The following RGS9 variants were observed in gnomAD, a reference collection of about 807,000 sequenced individuals.
RGS9 encodes regulator of G protein signaling 9.
RGS9 carries 78 observed loss-of-function variants against 102.0 expected under a neutral mutation model. That is an observed-to-expected ratio of 0.76 (90% CI 0.64 to 0.92). The LOEUF is 0.92. Among genes scored for constraint, RGS9 ranks in the 40% least tolerant of loss-of-function variants. RGS9 has a pLI of 0.00. For missense variants in RGS9, 833 were observed against 866.1 expected (o/e 0.96, Z 0.48); for synonymous variants, 353 against 318.6 (o/e 1.11, Z -1.15).
At chr17:65,184,081 C>T (rs759550983) in intron 9 of RGS9, among the ~76,000 whole-genome samples, 2 of 152,140 alleles carry the variant, frequency 1.3e-5, no homozygotes, top group Non-Finnish European at 1.5e-5. Flanking sequence ...CCAGGAGGGC[C>T]GGCAGCTGAG....
chr17:65,167,382 G>A (rs1911229392), intron 7 of RGS9, among the ~76,000 whole-genome samples: 2 of 151,694 alleles, frequency 1.3e-5, no homozygotes, highest in South Asian at 4.2e-4. Flanking sequence ...TTATATTTTT[G>A]GTAGAGACGG....
chr17:65,203,990 A>G (rs1031194939), intron 14 of RGS9, among the ~76,000 whole-genome samples, 173 bp from the exon 15 acceptor site: 4 of 152,172 alleles, frequency 2.6e-5, no homozygotes, highest in African/African-American at 9.7e-5. Flanking sequence ...CTTCAAGGAA[A>G]AATTGCTTGA....
At chr17:65,162,938 C>A in intron 6 of RGS9, 75 bp from the exon 7 acceptor site, 2 of 814,766 alleles carry the variant, frequency 2.5e-6, no homozygotes, top group Non-Finnish European at 4.2e-6. Flanking sequence ...CCCTTGCTGA[C>A]TTAGAGTTTG....
In RGS9 at chr17:65,225,311, C is replaced by A; in HGVS notation, c.1717C>A (p.Pro573Thr). Residue 573 changes from proline to threonine, a missense_variant, in exon 18 of 19, where the codon CCT becomes ACT. Physicochemically the swap from Pro to Thr is conservative, Grantham distance 38 (BLOSUM62 -1). Transcript: ENST00000262406. ...CTGGCCTCGCAGCCGGCCCAGGGCC[C>A]CTCCTAAGGCCCGCATGGCTCTGTC... ...TSWPRSRPRA[P>T]PKARMALSFS... 6.2e-7 allele frequency: 1 copy of A among 1,610,210 alleles called. No homozygotes were observed. Among genetic ancestry groups the A allele is most frequent in the Non-Finnish European group, 8.5e-7 (1 of 1,180,004 alleles).
At chr17:65,149,012 AG>A (rs1212555798) in intron 1 of RGS9, among the ~76,000 whole-genome samples, 1 of 151,822 alleles carries the variant, frequency 6.6e-6, no homozygotes, top group African/African-American at 2.4e-5. Context: ...CACAGACTGG[AG>A]TGCAGTGACG....
In RGS9 at chr17:65,207,986, C is replaced by T; in HGVS notation, c.1268C>T (p.Pro423Leu). 6.2e-7 allele frequency: 1 copy of T among 1,612,560 alleles called. No homozygotes were observed. The highest frequency in any genetic ancestry group is 8.5e-7 in the Non-Finnish European group (1 of 1,178,798). The change falls in exon 16 of 19, where the codon CCT (proline) becomes CTT (leucine). Residue 423 changes from proline to leucine, a missense_variant. Transcript: ENST00000262406. Reference protein sequence around the residue: ...YKDMLAKAIEPQETTKKSSTL... With the variant: ...YKDMLAKAIELQETTKKSSTL... ...GACATGCTGGCCAAAGCTATTGAAC[C>T]TCAGGAAACCACCAAGAAAAGGCAA...
chr17:65,155,081 A>G (rs917605040), intron 2 of RGS9, among the ~76,000 whole-genome samples: 2 of 152,216 alleles, frequency 1.3e-5, no homozygotes, highest in African/African-American at 4.8e-5. Context: ...TTGAAATGCT[A>G]TAGAGCAGCT....
intron 17 of RGS9, among the ~76,000 whole-genome samples, chr17:65,219,761 G>A (rs1490597641): frequency 6.6e-6 from 1 of 152,062 alleles, no homozygotes; most frequent in African/African-American, 2.4e-5. Context: ...AGCCCTCAAC[G>A]AACACTAGCT....
chr17:65,146,616 C>T (rs990564582), intron 1 of RGS9, among the ~76,000 whole-genome samples: 1 of 151,370 alleles, frequency 6.6e-6, no homozygotes, highest in African/African-American at 2.4e-5. Flanking sequence ...AAATCTTGGC[C>T]GGGCACGGTG....
intron 1 of RGS9, among the ~76,000 whole-genome samples, chr17:65,148,954 G>GT (rs201719942): frequency 0.061 from 9,241 of 151,808 alleles, 874 homozygotes; most frequent in African/African-American, 0.2. Context: ...TGGTTTTGGT[G>GT]TTTTTTTTGT....
chr17:65,217,427 T>G lies in RGS9; in HGVS notation c.1407+6822T>G, dbSNP rs530748096. 2.0e-5 allele frequency among the ~76,000 whole-genome samples: 3 copies of G among 152,292 alleles called. No homozygotes were observed. The East Asian group carries it at 5.8e-4, about 29-fold the overall frequency. ...CATCCTGCCGTGCCGAATCAAGAAG[T>G]TGAGCATGTCAAGGACTGGCAGAGG... is the stretch of plus-strand genomic sequence containing the variant. On this transcript the variant is annotated intron_variant, in intron 17 of 18. Transcript: ENST00000262406.
chr17:65,173,927 G>C lies in RGS9; in HGVS notation c.583-3805G>C, dbSNP rs1281147893. ...CACCAGTTTCGAGGGCAGGGAACTG[G>C]AAAAGGACCACAGCTTGATTGGGAA... On this transcript the variant is annotated intron_variant, in intron 8 of 18. Coordinates refer to ENST00000262406, the MANE Select transcript of RGS9 (RefSeq NM_003835.4). This position sits in a 1 kb window ranked among gnomAD's most constrained non-coding sequence, Gnocchi z 4.8. 6.6e-6 allele frequency among the ~76,000 whole-genome samples: 1 copy of C among 152,232 alleles called. No individual in the cohort carries two copies. Among genetic ancestry groups the C allele is most frequent in the East Asian group, 1.9e-4 (1 of 5,202 alleles).
chr17:65,175,408 ACT>A (rs1422574240), intron 8 of RGS9, among the ~76,000 whole-genome samples: 2 of 152,020 alleles, frequency 1.3e-5, no homozygotes, highest in Non-Finnish European at 2.9e-5. Context: ...AAAGGCACTG[ACT>A]CTGCTGAGCC....
intron 9 of RGS9, among the ~76,000 whole-genome samples, chr17:65,187,724 G>A (rs1912177225): frequency 1.3e-5 from 2 of 152,240 alleles, no homozygotes; most frequent in African/African-American, 4.8e-5. Flanking sequence ...GAGGCCGGGT[G>A]CGGTGGCTCA....
intron 3 of RGS9, 105 bp downstream of exon 3, chr17:65,158,450 T>A: frequency 1.9e-6 from 2 of 1,075,124 alleles, no homozygotes; most frequent in Non-Finnish European, 2.9e-6. Flanking sequence ...ATTTACATTT[T>A]AATTGGACAG....
chr17:65,222,043 T>A (rs755962356), intron 17 of RGS9, among the ~76,000 whole-genome samples: 4 of 152,250 alleles, frequency 2.6e-5, no homozygotes, highest in Non-Finnish European at 2.9e-5. Context: ...GGGGTTCTCA[T>A]CTGGATGCTT....
chr17:65,149,268 C>T (rs1010125809), intron 1 of RGS9, among the ~76,000 whole-genome samples: 22 of 152,126 alleles, frequency 1.4e-4, no homozygotes, highest in African/African-American at 5.1e-4. Flanking sequence ...GCCATCGCAC[C>T]GGGCCTGATG....
intron 8 of RGS9, among the ~76,000 whole-genome samples, chr17:65,176,104 T>C (rs867595647): frequency 6.6e-6 from 1 of 152,192 alleles, no homozygotes; most frequent in Admixed American, 6.5e-5. Context: ...GTTGGTCACA[T>C]GTGCTGAGCA....
intron 17 of RGS9, among the ~76,000 whole-genome samples, chr17:65,217,057 GT>G (rs1913546909): frequency 1.3e-5 from 2 of 152,036 alleles, no homozygotes; most frequent in Non-Finnish European, 2.9e-5. Context: ...AGAGAGAAGA[GT>G]TAAGAACGGA....
Sources: gnomAD v4.1 joint callset for allele counts (sites outside exome capture counted in the v4.1 genomes callset) on GRCh38, gnomAD v4.1.1 for gene constraint, Gnocchi (gnomAD v3.1) non-coding constraint, MANE v1.5 for transcripts, NCBI Gene and HGNC (gene_info 2026-07-23, HGNC 2026-07-21) for gene names.